Variants in KCNH8 observed in about 807,000 individuals in gnomAD.
KCNH8 encodes potassium voltage-gated channel subfamily H member 8.
Under a neutral mutation model 103.6 loss-of-function variants are expected in KCNH8, and 70 were observed. The observed-to-expected ratio is 0.68, with a 90% CI of 0.56 to 0.82. The LOEUF (loss-of-function observed/expected upper bound fraction) is 0.82. KCNH8 is among the 40% of genes least tolerant of loss of function. The probability of loss-of-function intolerance (pLI) is 0.00; values close to 1 mark genes in which losing one functional copy is unlikely to be tolerated. For missense variants in KCNH8, 1,217 were observed against 1,329.9 expected (o/e 0.92, Z 1.32); for synonymous variants, 498 against 489.4 (o/e 1.02, Z -0.23).
chr3:19,258,947 C>CTCTATA (rs1321918245), intron 2 of KCNH8, among the ~76,000 whole-genome samples: 43 of 24,804 alleles, frequency 1.7e-3, no homozygotes, highest in East Asian at 3.1e-3. Context: ...CTCTCTCTCT[C>CTCTATA]TATATATATA....
At chr3:19,491,828 G>C (rs531210734) in intron 11 of KCNH8, among the ~76,000 whole-genome samples, 6 of 152,064 alleles carry the variant, frequency 3.9e-5, no homozygotes, top group African/African-American at 1.4e-4. Context: ...CCACAGCTTT[G>C]CCAGCATCTG....
intron 1 of KCNH8, among the ~76,000 whole-genome samples, chr3:19,210,181 A>G (rs867365272): frequency 1.4e-4 from 21 of 152,130 alleles, no homozygotes; most frequent in African/African-American, 5.1e-4. Context: ...TTTCTAGGAA[A>G]CATTTTGTGA....
intron 11 of KCNH8, among the ~76,000 whole-genome samples, chr3:19,492,730 T>G (rs1328802294): frequency 1.3e-5 from 2 of 152,144 alleles, no homozygotes; most frequent in Non-Finnish European, 2.9e-5. Flanking sequence ...ATGATATTGG[T>G]AGTTCAATAG....
chr3:19,296,222 G>A (rs2064995375), intron 3 of KCNH8, among the ~76,000 whole-genome samples: 1 of 152,056 alleles, frequency 6.6e-6, no homozygotes, highest in South Asian at 2.1e-4. Context: ...AATTTTATTT[G>A]ATCTACTTCA....
chr3:19,153,224 A>C (rs2063147669), intron 1 of KCNH8, among the ~76,000 whole-genome samples: 1 of 152,222 alleles, frequency 6.6e-6, no homozygotes, highest in Non-Finnish European at 1.5e-5. Context: ...TCTTTACCAG[A>C]AATGATTTTC....
At chr3:19,153,619 C>A (rs1575398754) in intron 1 of KCNH8, among the ~76,000 whole-genome samples, 1 of 147,354 alleles carries the variant, frequency 6.8e-6, no homozygotes. Context: ...CTTTTCTTTT[C>A]TTTTCTTTCT....
At chr3:19,303,270 A>G (rs1170949935) in intron 3 of KCNH8, among the ~76,000 whole-genome samples, 1 of 152,182 alleles carries the variant, frequency 6.6e-6, no homozygotes, top group Non-Finnish European at 1.5e-5. Context: ...TTTCCAAAAC[A>G]TCACTGAAAC....
chr3:19,486,608 T>G (rs1384668212), intron 11 of KCNH8, among the ~76,000 whole-genome samples: 1 of 151,924 alleles, frequency 6.6e-6, no homozygotes, highest in Admixed American at 6.6e-5. Flanking sequence ...ACACATAGAG[T>G]GTAAAGGGCT....
intron 5 of KCNH8, among the ~76,000 whole-genome samples, chr3:19,353,108 G>A (rs9682240): frequency 1.3e-5 from 2 of 151,768 alleles, no homozygotes; most frequent in African/African-American, 4.8e-5. Context: ...ATAAACACCT[G>A]TACTCAAATA....
intron 11 of KCNH8, among the ~76,000 whole-genome samples, chr3:19,504,127 C>T (rs952230975): frequency 6.6e-6 from 1 of 152,084 alleles, no homozygotes; most frequent in Non-Finnish European, 1.5e-5. Flanking sequence ...TCTGGGATAA[C>T]TGGCTAGCCA....
Position 19,534,233 on chromosome 3 carries a change from G to C in KCNH8, c.*134G>C. On this transcript the variant is annotated 3_prime_UTR_variant, in exon 16 of 16. Transcript: ENST00000328405. Reference sequence around the variant, plus strand: ...CTGCAGAAAAGAGTGTGAGGAGCCAGGGAAAGGCAGAACCACCTCCATGCT... The same window carrying C: ...CTGCAGAAAAGAGTGTGAGGAGCCACGGAAAGGCAGAACCACCTCCATGCT... 1.5e-6 allele frequency: 1 copy of C among 656,266 alleles called. No individual in the cohort carries two copies. Among genetic ancestry groups the C allele is most frequent in the South Asian group, 2.0e-5 (1 of 50,420 alleles). The allele number at this position is 656,266 out of a possible 1,614,324, so 40.7% of individuals were successfully genotyped here. A position where few individuals can be genotyped will look rare whatever the true frequency, so the allele number is the denominator to read the frequency against.
chr3:19,462,436 CTT>C (rs1005171011), intron 11 of KCNH8, among the ~76,000 whole-genome samples: 1 of 152,180 alleles, frequency 6.6e-6, no homozygotes, highest in Non-Finnish European at 1.5e-5. Flanking sequence ...GCATAAGTGT[CTT>C]CTTTTCAGAA....
At chr3:19,306,988 A>G (rs2065138783) in intron 3 of KCNH8, among the ~76,000 whole-genome samples, 1 of 152,038 alleles carries the variant, frequency 6.6e-6, no homozygotes, top group African/African-American at 2.4e-5. Context: ...AAGCTATAGT[A>G]ACCACAACAG....
intron 15 of KCNH8, among the ~76,000 whole-genome samples, chr3:19,519,262 T>C (rs2068930328): frequency 6.6e-6 from 1 of 151,936 alleles, no homozygotes; most frequent in South Asian, 2.1e-4. Context: ...AGAATCCTTT[T>C]CTAGGAGTAA....
intron 3 of KCNH8, among the ~76,000 whole-genome samples, chr3:19,306,502 A>C (rs1278975901): frequency 6.6e-6 from 1 of 152,146 alleles, no homozygotes; most frequent in Non-Finnish European, 1.5e-5. Context: ...ACTGCATGCC[A>C]GGCAATATGC....
At chr3:19,172,735 CA>C (rs2063360070) in intron 1 of KCNH8, among the ~76,000 whole-genome samples, 1 of 152,206 alleles carries the variant, frequency 6.6e-6, no homozygotes, top group Non-Finnish European at 1.5e-5. Flanking sequence ...CACAGCTGAA[CA>C]AGTAGCAGAG....
chr3:19,219,135 G>A (rs1360017044), intron 1 of KCNH8, among the ~76,000 whole-genome samples: 1 of 152,092 alleles, frequency 6.6e-6, no homozygotes, highest in East Asian at 1.9e-4. Context: ...CTGCCCTAAA[G>A]TCTTTGCCTT....
At chr3:19,207,121 A>G (rs1405466594) in intron 1 of KCNH8, among the ~76,000 whole-genome samples, 1 of 151,964 alleles carries the variant, frequency 6.6e-6, no homozygotes, top group Admixed American at 6.6e-5. Context: ...GAAAAGCAAA[A>G]CAAGTGGGCC....
At chr3:19,510,231 C>G in intron 11 of KCNH8, 132 bp from the exon 12 acceptor site, 1 of 663,066 alleles carries the variant, frequency 1.5e-6, no homozygotes, top group East Asian at 2.8e-5. Context: ...CAGGTAGATC[C>G]ACACCCCTTC....
Sources: gnomAD v4.1 joint callset for allele counts (sites outside exome capture counted in the v4.1 genomes callset) on GRCh38, gnomAD v4.1.1 for gene constraint, MANE v1.5 for transcripts, NCBI Gene and HGNC (gene_info 2026-07-23, HGNC 2026-07-21) for gene names.